The following LIPK variants were observed in gnomAD, a reference collection of about 807,000 sequenced individuals.
LIPK encodes lipase family member K, also known as lipase member K.
LIPK carries 32 observed loss-of-function variants against 48.6 expected under a neutral mutation model. The observed-to-expected ratio is 0.66, with a 90% confidence interval of 0.50 to 0.88. LIPK has a LOEUF of 0.88. LIPK is among the 40% of genes least tolerant of loss of function. The pLI is 0.00. For missense variants in LIPK, 507 were observed against 478.5 expected, an observed-to-expected ratio of 1.06 and a Z score of -0.56; for synonymous variants, 164 against 157.4, an observed-to-expected ratio of 1.04 and a Z score of -0.32.
chr10:88,721,555 T>C (rs1252567186), intron 1 of LIPK, among the ~76,000 whole-genome samples: 3 of 152,232 alleles, frequency 2.0e-5, no homozygotes, highest in Non-Finnish European at 4.4e-5. Context: ...ATGTCATGGT[T>C]ACAAAAGGCA....
chr10:88,709,700 ACTG>A (rs1457870323), intron 1 of LIPK, among the ~76,000 whole-genome samples: 1 of 151,850 alleles, frequency 6.6e-6, no homozygotes. Flanking sequence ...TTGGAAAGGG[ACTG>A]CTATTTTATT....
At chr10:88,744,966 A>C (rs1842742011) in intron 9 of LIPK, among the ~76,000 whole-genome samples, 1 of 152,250 alleles carries the variant, frequency 6.6e-6, no homozygotes, top group African/African-American at 2.4e-5. Flanking sequence ...GAAACTCACT[A>C]TAAGAATTTC....
chr10:88,716,110 G>A (rs572872329), intron 1 of LIPK, among the ~76,000 whole-genome samples: 11 of 151,902 alleles, frequency 7.2e-5, no homozygotes, highest in African/African-American at 2.7e-4. Context: ...ATAACGATTC[G>A]ACTCATAAAG....
intron 3 of LIPK, chr10:88,728,603 T>C (rs1399558656): frequency 4.2e-6 from 2 of 477,098 alleles, no homozygotes; most frequent in Non-Finnish European, 8.4e-6. Context: ...AGCTGATGAA[T>C]GTCAAGCTGG....
chr10:88,745,405 G>A (rs142704513), intron 9 of LIPK, among the ~76,000 whole-genome samples: 1 of 152,186 alleles, frequency 6.6e-6, no homozygotes, highest in Non-Finnish European at 1.5e-5. Context: ...ACCAACAAAG[G>A]GAACCTCATC....
intron 6 of LIPK, among the ~76,000 whole-genome samples, chr10:88,735,966 G>A (rs568820355): frequency 5.9e-5 from 9 of 152,282 alleles, no homozygotes; most frequent in South Asian, 2.1e-4. Flanking sequence ...AATTTACTCC[G>A]TATTTGGGAA....
intron 6 of LIPK, among the ~76,000 whole-genome samples, chr10:88,735,543 A>G (rs1054036674): frequency 5.3e-5 from 8 of 152,200 alleles, no homozygotes; most frequent in African/African-American, 1.9e-4. Flanking sequence ...CACTTTTTCA[A>G]TGCCAACCTG....
chr10:88,739,719 C>T (rs771086770), intron 7 of LIPK, among the ~76,000 whole-genome samples: 22 of 151,852 alleles, frequency 1.4e-4, no homozygotes, highest in African/African-American at 2.7e-4. Context: ...ATTAGCCAGG[C>T]GTGGTGGTGC....
intron 9 of LIPK, among the ~76,000 whole-genome samples, chr10:88,746,466 C>T (rs1364501675): frequency 6.6e-6 from 1 of 151,882 alleles, no homozygotes; most frequent in Non-Finnish European, 1.5e-5. Flanking sequence ...GAAATCAATA[C>T]CAAGATGATC....
chr10:88,744,229 C>T (rs990901670), intron 9 of LIPK, among the ~76,000 whole-genome samples: 1 of 152,242 alleles, frequency 6.6e-6, no homozygotes, highest in African/African-American at 2.4e-5. Flanking sequence ...GTGGTCACTG[C>T]CATACCTCCT....
chr10:88,747,584 C>T (rs1842786995), intron 9 of LIPK, among the ~76,000 whole-genome samples: 1 of 152,048 alleles, frequency 6.6e-6, no homozygotes, highest in African/African-American at 2.4e-5. Flanking sequence ...ATGTTAAAAA[C>T]CCTCAACAAA....
At chr10:88,714,910 A>G (rs1241576774) in intron 1 of LIPK, among the ~76,000 whole-genome samples, 1 of 151,840 alleles carries the variant, frequency 6.6e-6, no homozygotes. Flanking sequence ...CTTTGATATT[A>G]ATTTGATTCT....
intron 3 of LIPK, among the ~76,000 whole-genome samples, chr10:88,730,480 T>TG (rs938156121): frequency 2.0e-5 from 3 of 151,988 alleles, no homozygotes; most frequent in Non-Finnish European, 4.4e-5. Context: ...TTAGTAGAGA[T>TG]GGGGTTTCAC....
chr10:88,749,425 A>G (rs71477199), intron 9 of LIPK, among the ~76,000 whole-genome samples: 6,059 of 152,296 alleles, frequency 0.04, 179 homozygotes, highest in South Asian at 0.093. Flanking sequence ...ACATAGACCA[A>G]TGGAATGGGT....
chr10:88,713,261 T>A (rs1842056155), intron 1 of LIPK, among the ~76,000 whole-genome samples: 1 of 152,216 alleles, frequency 6.6e-6, no homozygotes, highest in Non-Finnish European at 1.5e-5. Context: ...CACCTACCAA[T>A]AGAGTTGTTT....
chr10:88,713,591 T>C (rs1197433879), intron 1 of LIPK, among the ~76,000 whole-genome samples: 3 of 152,192 alleles, frequency 2.0e-5, no homozygotes, highest in Admixed American at 6.5e-5. Context: ...CTATTAGATA[T>C]AGTGGGTTTT....
intron 9 of LIPK, 68 bp from the exon 10 acceptor site, chr10:88,752,449 C>T: frequency 8.8e-7 from 1 of 1,139,764 alleles, no homozygotes; most frequent in Non-Finnish European, 1.3e-6. Context: ...CAACAGCTGA[C>T]AGTTAATGTT....
chr10:88,743,856 C>A (rs1842724044), intron 9 of LIPK, among the ~76,000 whole-genome samples: 1 of 152,202 alleles, frequency 6.6e-6, no homozygotes, highest in Non-Finnish European at 1.5e-5. Context: ...ATGGCCCATT[C>A]TTACTATGGA....
intron 8 of LIPK, among the ~76,000 whole-genome samples, chr10:88,741,128 C>T (rs1041742305): frequency 3.3e-5 from 5 of 152,294 alleles, no homozygotes; most frequent in African/African-American, 1.2e-4. Flanking sequence ...TATTCAGTCT[C>T]ACTGAATTAT....
Sources: gnomAD v4.1 joint callset for allele counts (sites outside exome capture counted in the v4.1 genomes callset) on GRCh38, gnomAD v4.1.1 for gene constraint, MANE v1.5 for transcripts, NCBI Gene and HGNC (gene_info 2026-07-23, HGNC 2026-07-21) for gene names.